CCDC110: variants seen among roughly 807,000 people sequenced by gnomAD.
The protein encoded by CCDC110 is coiled-coil domain containing 110.
CCDC110 carries 70 observed loss-of-function variants against 77.1 expected under a neutral mutation model. The observed-to-expected ratio is 0.91, with a 90% CI of 0.75 to 1.11. The LOEUF (loss-of-function observed/expected upper bound fraction) is 1.11, where lower values mean the gene tolerates loss of function less well. Ranked by LOEUF, CCDC110 falls within the 50% of genes least tolerant of loss-of-function variation. The pLI is 0.00. For missense variants in CCDC110, 868 were observed against 942.9 expected (o/e 0.92, Z 1.04); for synonymous variants, 295 against 312.5 (o/e 0.94, Z 0.59).
Position 185,459,468 on chromosome 4 carries a change from G to C in CCDC110, c.1119C>G (p.Phe373Leu), listed in dbSNP as rs999885165. Reference sequence around the variant, plus strand: ...GTGTGTATCTTGGAACTCTGGAATGGAATTTTAAATCTGTAATATTTTTGC... The same window carrying C: ...GTGTGTATCTTGGAACTCTGGAATGCAATTTTAAATCTGTAATATTTTTGC... ...ITGKNITDLK[F>L]HSRVPRYTLS... is the part of the protein sequence containing the mutation. The change falls in exon 6 of 7, where the codon TTC becomes TTG. Residue 373 changes from phenylalanine to leucine, a missense_variant. Physicochemically the swap from Phe to Leu is conservative, Grantham distance 22. Coordinates refer to ENST00000307588, the MANE Select transcript of CCDC110 (RefSeq NM_152775.4). The C allele has an allele frequency of 1.9e-6, 3 of 1,613,480 alleles. No homozygotes were observed. In the African/African-American group the frequency reaches 4.0e-5, roughly 22 times the overall value.
chr4:185,470,630 TC>T lies in CCDC110; in HGVS notation c.115+314del, dbSNP rs368316752. 58 of 502,572 alleles carry T rather than the reference TC, an allele frequency of 1.2e-4. 1 individual carries two copies. In the East Asian group the frequency reaches 3.0e-3, roughly 26 times the overall value. 31.1% of individuals were successfully genotyped at this position (502,572 alleles called of 1,614,324 possible). A position where few individuals can be genotyped will look rare whatever the true frequency, so the allele number is the denominator to read the frequency against. ...GTAGCGTGGTGGTGAAGACAGGCAG[TC>T]CGGAGCCGCCCTGCTGAATGCCCGC... is the stretch of plus-strand genomic sequence containing the variant. On this transcript the variant is annotated intron_variant, in intron 2 of 6. Coordinates refer to ENST00000307588, the MANE Select transcript of CCDC110 (RefSeq NM_152775.4).
chr4:185,449,797 T>C (rs2153317481), intron 6 of CCDC110: 1 of 508,968 alleles, frequency 2.0e-6, no homozygotes, highest in East Asian at 3.3e-5. Context: ...ATTTTAATAC[T>C]ACTAGTTAAT....
intron 2 of CCDC110, among the ~76,000 whole-genome samples, chr4:185,469,705 C>A (rs2095662450): frequency 1.3e-5 from 2 of 152,214 alleles, no homozygotes. Context: ...GTCCTGCTGG[C>A]CTCCACTGGG....
At chr4:185,460,815 C>A in intron 5 of CCDC110, 1 of 411,402 alleles carries the variant, frequency 2.4e-6, no homozygotes, top group South Asian at 2.2e-5. Context: ...GAATCTTTCA[C>A]GATCTGGACT....
At chr4:185,462,392 T>C (rs1353717106) in intron 4 of CCDC110, among the ~76,000 whole-genome samples, 1 of 152,216 alleles carries the variant, frequency 6.6e-6, no homozygotes, top group Non-Finnish European at 1.5e-5. Context: ...CTATTTGTAG[T>C]CTATATATAG....
At position 185,459,089 on chromosome 4, in the gene CCDC110, A is replaced by G. The variant is rs59319722; in HGVS notation, c.1498T>C (p.Tyr500His). ...AATTCTTTAAGACACTCTTTGCTGT[A>G]TTCTTCTGTTTTACTTAACTTAGAC... ...IQSKLSKTEE[Y>H]SKECLKEFKK... Residue 500 changes from tyrosine (Y) to histidine (H), a missense_variant, in exon 6 of 7, where the codon TAC becomes CAC. Transcript: ENST00000307588. 4.4e-6 allele frequency: 7 copies of G among 1,579,742 alleles called. No individual in the cohort carries two copies. Among genetic ancestry groups the G allele is most frequent in the Non-Finnish European group, 8.6e-7 (1 of 1,158,382 alleles).
chr4:185,451,187 A>G (rs76187315), intron 6 of CCDC110, among the ~76,000 whole-genome samples: 109,570 of 152,024 alleles, frequency 0.72, 40,304 homozygotes, highest in African/African-American at 0.86. Flanking sequence ...TGAGGCCTCC[A>G]CAGCCACGTG....
Position 185,461,075 on chromosome 4 carries a change from AC to A in CCDC110, c.321del (p.Phe108LeufsTer39). 6.3e-7 allele frequency: 1 copy of A among 1,590,810 alleles called. No homozygotes were observed. Among genetic ancestry groups the A allele is most frequent in the Non-Finnish European group, 8.6e-7 (1 of 1,166,746 alleles). On this transcript the variant is annotated frameshift_variant, in exon 5 of 7. Coordinates refer to ENST00000307588, the MANE Select transcript of CCDC110 (RefSeq NM_152775.4). LOFTEE classifies it high-confidence loss of function. Reference protein sequence around the residue: ...NPQFSSEKNLVFGTRIEKDLP... With the variant: ...NPQFSSEKNLXFGTRIEKDLP... ...AAATCCTTTTCAATGCGCGTGCCAA[AC>A]ACCAGATTTTTTTCTGAGCTAAATT...
chr4:185,456,380 C>A (rs11132305), intron 6 of CCDC110, among the ~76,000 whole-genome samples: 1 of 151,566 alleles, frequency 6.6e-6, no homozygotes, highest in Non-Finnish European at 1.5e-5. Context: ...TAGCACCAGA[C>A]GACCCAAAGG....
Position 185,458,616 on chromosome 4 carries a change from A to T in CCDC110, c.1971T>A (p.Ile657=). ...GAATATTCTCAATTTCTCTTTCCAT[A>T]ATTTGTCTGGCAGCAGTAGATTCTT... is the stretch of plus-strand genomic sequence containing the variant. The part of the protein sequence containing the change: ...TLQESTAARQ[I]MEREIENIQT... Residue 657 remains isoleucine (I), a synonymous_variant, in exon 6 of 7, where the codon ATT becomes ATA. Transcript: ENST00000307588. 1 of 1,608,274 alleles carries T rather than the reference A, an allele frequency of 6.2e-7. No homozygotes were observed. The highest frequency in any genetic ancestry group is 8.5e-7 in the Non-Finnish European group (1 of 1,179,616).
chr4:185,451,162 C>CT (rs1250836699), intron 6 of CCDC110, among the ~76,000 whole-genome samples: 1 of 152,162 alleles, frequency 6.6e-6, no homozygotes, highest in Non-Finnish European at 1.5e-5. Flanking sequence ...TGCCTTTCAC[C>CT]TTCCATGATG....
Position 185,458,654 on chromosome 4 carries a change from C to A in CCDC110, c.1933G>T (p.Glu645Ter). 6.2e-7 allele frequency: 1 copy of A among 1,606,416 alleles called. No homozygotes were observed. The highest frequency in any genetic ancestry group is 1.1e-5 in the South Asian group (1 of 89,256). ...ETVKDEKLNL[E>*]TTLQESTAAR... The stretch of plus-strand genomic sequence containing the variant: ...GCAGTAGATTCTTGTAATGTTGTTT[C>A]AAGGTTGAGTTTTTCATCTTTAACT... Residue 645 changes from glutamate (E) to a stop codon, truncating the protein, a stop_gained, in exon 6 of 7, where the codon GAA (glutamate) becomes TAA (stop). Transcript: ENST00000307588. LOFTEE classifies it high-confidence loss of function.
chr4:185,457,092 T>C, intron 6 of CCDC110: 1 of 344,354 alleles, frequency 2.9e-6, no homozygotes, highest in African/African-American at 2.1e-5. Flanking sequence ...TCCCAGGAAT[T>C]CAAGGTTAGT....
intron 1 of CCDC110, 79 bp from the exon 2 acceptor site, chr4:185,471,128 T>TG: frequency 3.7e-5 from 1 of 26,882 alleles, no homozygotes; most frequent in East Asian, 1.1e-3. Flanking sequence ...GGCAGAGGGA[T>TG]GGGGCGGGGC....
At position 185,445,530 on chromosome 4, in the gene CCDC110, A is replaced by C; in HGVS notation, c.2474T>G (p.Val825Gly). The C allele has an allele frequency of 6.4e-7, 1 of 1,569,380 alleles. No individual in the cohort carries two copies. The highest frequency in any genetic ancestry group is 8.7e-7 in the Non-Finnish European group (1 of 1,145,438). ...ATGATGCTTGAGAGTTCTGTCTTTA[A>C]CTTTGAAATAACCTATGAAAATAGA... is the stretch of plus-strand genomic sequence containing the variant. ...LASDLKGYFK[V>G]KDRTLKHH The change falls in exon 7 of 7, where the codon GTT becomes GGT. Residue 825 changes from valine (V) to glycine (G), a missense_variant. Coordinates refer to ENST00000307588, the MANE Select transcript of CCDC110 (RefSeq NM_152775.4).
At chr4:185,464,640 C>T (rs1297804025) in intron 2 of CCDC110, among the ~76,000 whole-genome samples, 1 of 152,088 alleles carries the variant, frequency 6.6e-6, no homozygotes, top group Non-Finnish European at 1.5e-5. Context: ...AAGAATATAC[C>T]ACCTAGAATC....
At chr4:185,456,622 C>T (rs552706200) in intron 6 of CCDC110, among the ~76,000 whole-genome samples, 50 of 152,278 alleles carry the variant, frequency 3.3e-4, no homozygotes, top group African/African-American at 9.6e-4. Context: ...TTATGAACAA[C>T]TTTGTGACAA....
intron 1 of CCDC110, 27 bp downstream of exon 1, chr4:185,471,647 A>G (rs768744893): frequency 6.4e-7 from 1 of 1,554,144 alleles, no homozygotes; most frequent in Admixed American, 1.9e-5. Flanking sequence ...CGGCTCCCCT[A>G]GGAGCCCCGC....
Position 185,461,135 on chromosome 4 carries a change from A to G in CCDC110, c.262T>C (p.Leu88=), listed in dbSNP as rs750330600. The part of the protein sequence containing the change: ...SMVQSEISEI[L]NKSIIEVENP... ...TCTACTTCAATAATACTTTTGTTCA[A>G]TATTTCACTGATTTCCGACTGTACC... Residue 88 remains leucine, a synonymous_variant, in exon 5 of 7, where the codon TTG becomes CTG. Transcript: ENST00000307588. The G allele has an allele frequency of 1.9e-6, 3 of 1,582,292 alleles. No homozygotes were observed. Among genetic ancestry groups the G allele is most frequent in the Non-Finnish European group, 1.7e-6 (2 of 1,162,440 alleles).
Sources: gnomAD v4.1 joint callset for allele counts (sites outside exome capture counted in the v4.1 genomes callset) on GRCh38, gnomAD v4.1.1 for gene constraint, MANE v1.5 for transcripts, NCBI Gene and HGNC (gene_info 2026-07-23, HGNC 2026-07-21) for gene names.